The following ZNF469 variants were observed in gnomAD, a reference collection of about 807,000 sequenced individuals.
The protein encoded by ZNF469 is zinc finger protein 469.
ZNF469 carries 1 observed loss-of-function variant against 1.0 expected under a neutral mutation model. That is an observed-to-expected ratio of 1.00 (90% CI 0.35 to 4.73). The LOEUF (loss-of-function observed/expected upper bound fraction) is 4.73. Ranked by LOEUF, ZNF469 falls within the 30% of genes most tolerant of loss-of-function variation. The pLI, the probability that ZNF469 is intolerant of heterozygous loss-of-function variation, is 0.16. For missense variants in ZNF469, 6,100 were observed against 5,356.3 expected (o/e 1.14, Z -4.33); for synonymous variants, 2,703 against 2,363.4 (o/e 1.14, Z -4.17).
the ZNF469 span, among the ~76,000 whole-genome samples, chr16:88,185,946 C>T: frequency 6.7e-6 from 1 of 148,466 alleles, no homozygotes; most frequent in African/African-American, 2.5e-5. Flanking sequence ...GAATATAGTA[C>T]ATGCACACAC....
chr16:88,112,615 T>A, the ZNF469 span, among the ~76,000 whole-genome samples: 3 of 152,154 alleles, frequency 2.0e-5, no homozygotes, highest in East Asian at 5.8e-4. Flanking sequence ...CTTTTGCCCA[T>A]TTTTACTCAG....
At chr16:88,305,665 C>T in the ZNF469 span, among the ~76,000 whole-genome samples, 4 of 152,092 alleles carry the variant, frequency 2.6e-5, no homozygotes. Context: ...CACACCTTCA[C>T]ATACACACAC....
the ZNF469 span, chr16:88,192,351 C>G: frequency 6.6e-6 from 1 of 152,066 alleles, no homozygotes; most frequent in African/African-American, 2.4e-5. Flanking sequence ...AAGTCTGAGC[C>G]AGGTAGTTCG....
chr16:88,305,270 ACACATGCTCTCAGGCACACACACACG>A, the ZNF469 span, among the ~76,000 whole-genome samples: 21 of 150,718 alleles, frequency 1.4e-4, no homozygotes, highest in African/African-American at 4.9e-4. Flanking sequence ...ACACCCTCAC[ACACATGCTCTCAGGCACACACACACG>A]CACACCCTCA....
chr16:88,434,768 C>A lies in ZNF469; in HGVS notation c.7298C>A (p.Thr2433Asn). The A allele has an allele frequency of 6.4e-6, 10 of 1,550,400 alleles. No homozygotes were observed. Among genetic ancestry groups the A allele is most frequent in the Non-Finnish European group, 8.7e-6 (10 of 1,146,974 alleles). Residue 2433 changes from threonine (T) to asparagine (N), a missense_variant, in exon 3 of 3, where the codon ACT becomes AAT. Transcript: ENST00000565624. ...AGCCACAGAAATGCCTCCCACCAGA[C>A]TCCCCAGGGGGACCCCCTCGGCCCC... ...PQSHRNASHQ[T>N]PQGDPLGPQD...
At chr16:88,151,197 G>A in the ZNF469 span, among the ~76,000 whole-genome samples, 41 of 152,288 alleles carry the variant, frequency 2.7e-4, no homozygotes, top group Non-Finnish European at 5.3e-4. This position sits in a 1 kb window ranked among gnomAD's most constrained non-coding sequence, Gnocchi z 5.4. Context: ...CTCAGGGGCC[G>A]CCTGGGGACT....
At chr16:88,279,168 A>G in the ZNF469 span, among the ~76,000 whole-genome samples, 4 of 131,854 alleles carry the variant, frequency 3.0e-5, no homozygotes, top group Non-Finnish European at 6.7e-5. Context: ...TACCGTGTAG[A>G]TATCAGTGCA....
chr16:88,433,238 A>C lies in ZNF469; in HGVS notation c.5768A>C (p.Gln1923Pro). The C allele has an allele frequency of 6.5e-7, 1 of 1,550,330 alleles. No homozygotes were observed. The highest frequency in any genetic ancestry group is 8.7e-7 in the Non-Finnish European group (1 of 1,146,944). ...AGTAAAGATGGCATCCTGGGCTTGC[A>C]GGAGCTGACACCTGCTGCCCAGAGC... ...AKSKDGILGL[Q>P]ELTPAAQSPP... is the part of the protein sequence containing the mutation. The change falls in exon 3 of 3, where the codon CAG becomes CCG. Residue 1923 changes from glutamine (Q) to proline (P), a missense_variant. By Grantham distance (76) the Gln-to-Pro change is moderately conservative. Coordinates refer to ENST00000565624, the MANE Select transcript of ZNF469 (RefSeq NM_001367624.2).
At chr16:88,388,459 G>T (rs1344348237) in intron 1 of ZNF469, among the ~76,000 whole-genome samples, 8 of 152,114 alleles carry the variant, frequency 5.3e-5, no homozygotes, top group South Asian at 2.1e-4. Context: ...CCTGAGCGGG[G>T]TTTTCCGCAT....
the ZNF469 span, among the ~76,000 whole-genome samples, chr16:88,249,798 A>G: frequency 6.6e-6 from 1 of 152,124 alleles, no homozygotes; most frequent in Non-Finnish European, 1.5e-5. Flanking sequence ...TCTGGGCTCA[A>G]GTGATTCTCC....
the ZNF469 span, among the ~76,000 whole-genome samples, chr16:88,280,149 G>T: frequency 6.6e-6 from 1 of 151,804 alleles, no homozygotes; most frequent in East Asian, 1.9e-4. Context: ...GTACTGTGTA[G>T]ATATCAGTGC....
rs1456314863 is a variant in ZNF469 at position 88,424,370 on chromosome 16, T to C, written c.-191-437T>C. ...GTGTTCCTGTGTGCTGGTGTTTGCA[T>C]CCAGGGACTCTGGGAGGAAACACCA... is the stretch of plus-strand genomic sequence containing the variant. On this transcript the variant is annotated intron_variant, in intron 1 of 2. Coordinates refer to ENST00000565624, the MANE Select transcript of ZNF469 (RefSeq NM_001367624.2). This position sits in a 1 kb window ranked among gnomAD's most constrained non-coding sequence, Gnocchi z 4.3. 6.6e-6 allele frequency among the ~76,000 whole-genome samples: 1 copy of C among 152,182 alleles called. No individual in the cohort carries two copies. Among genetic ancestry groups the C allele is most frequent in the Non-Finnish European group, 1.5e-5 (1 of 68,016 alleles).
At chr16:88,235,344 C>A in the ZNF469 span, among the ~76,000 whole-genome samples, 1 of 152,206 alleles carries the variant, frequency 6.6e-6, no homozygotes, top group African/African-American at 2.4e-5. Flanking sequence ...GTCCCCAGTG[C>A]CCTCCTTCTG....
At position 88,429,079 on chromosome 16, in the gene ZNF469, G is replaced by A. The variant is rs184458982; in HGVS notation, c.1609G>A (p.Val537Met). 3,804 of 1,549,996 alleles carry A rather than the reference G, an allele frequency of 2.5e-3. 10 individuals carry two copies. The highest frequency in any genetic ancestry group is 3.1e-3 in the Non-Finnish European group (3,560 of 1,146,884). The change falls in exon 3 of 3, where the codon GTG becomes ATG. Residue 537 changes from valine to methionine, a missense_variant. By Grantham distance (21) the Val-to-Met change is conservative (BLOSUM62 1). Coordinates refer to ENST00000565624, the MANE Select transcript of ZNF469 (RefSeq NM_001367624.2). ...GGGACCCAGAGAGAAGCTGCCAGCC[G>A]TGAGAAGCAGCCAGGGCGGCTCCCC... ...TPGPREKLPA[V>M]RSSQGGSPAL...
chr16:88,427,888 C>A lies in ZNF469; in HGVS notation c.418C>A (p.Pro140Thr). The A allele has an allele frequency of 6.5e-7, 1 of 1,549,846 alleles. No homozygotes were observed. Among genetic ancestry groups the A allele is most frequent in the South Asian group, 1.2e-5 (1 of 84,052 alleles). Reference sequence around the variant, plus strand: ...CACCCTGGACGAGACACCAGAGAACCCACAGCTGGAGGCTGCCCAGCTCCC... The same window carrying A: ...CACCCTGGACGAGACACCAGAGAACACACAGCTGGAGGCTGCCCAGCTCCC... ...KPTLDETPENPQLEAAQLPEV... is the reference protein window; with the variant it reads ...KPTLDETPENTQLEAAQLPEV... The change falls in exon 3 of 3, where the codon CCA becomes ACA. Residue 140 changes from proline to threonine, a missense_variant. Transcript: ENST00000565624.
the ZNF469 span, among the ~76,000 whole-genome samples, chr16:88,320,383 T>C: frequency 6.6e-6 from 1 of 152,174 alleles, no homozygotes; most frequent in South Asian, 2.1e-4. Context: ...GATTCTTTAT[T>C]CTTTTTTCTT....
At chr16:88,321,186 C>G in the ZNF469 span, among the ~76,000 whole-genome samples, 3 of 152,142 alleles carry the variant, frequency 2.0e-5, no homozygotes, top group African/African-American at 7.2e-5. Flanking sequence ...GGGGAAGGTC[C>G]TGGGGTGCCC....
chr16:88,127,934 G>A, the ZNF469 span, among the ~76,000 whole-genome samples: 20 of 152,250 alleles, frequency 1.3e-4, no homozygotes, highest in Middle Eastern at 3.4e-3. Context: ...TTCCCAAAAC[G>A]CCTCCCCAGA....
the ZNF469 span, among the ~76,000 whole-genome samples, chr16:88,320,433 G>C: frequency 0.013 from 1,924 of 152,226 alleles, 17 homozygotes; most frequent in Non-Finnish European, 0.018. Flanking sequence ...GCCCAGGCTG[G>C]AGTGCAATGG....
Sources: gnomAD v4.1 joint callset for allele counts (sites outside exome capture counted in the v4.1 genomes callset) on GRCh38, gnomAD v4.1.1 for gene constraint, Gnocchi (gnomAD v3.1) non-coding constraint, MANE v1.5 for transcripts, NCBI Gene and HGNC (gene_info 2026-07-23, HGNC 2026-07-21) for gene names.